SYNE3: variants seen among roughly 807,000 people sequenced by gnomAD.
SYNE3 encodes the protein nesprin-3.
SYNE3 carries 100 observed loss-of-function variants against 111.2 expected under a neutral mutation model. The ratio of observed to expected loss-of-function variants is 0.90; its 90% CI spans 0.77 to 1.06. SYNE3 has a LOEUF of 1.06. Ranked by LOEUF, SYNE3 falls within the 50% of genes least tolerant of loss-of-function variation. The probability of loss-of-function intolerance (pLI) is 0.00; values close to 1 mark genes in which losing one functional copy is unlikely to be tolerated. For synonymous variants in SYNE3, 547 were observed against 533.9 expected (o/e 1.02, Z -0.34); for missense variants, 1,160 against 1,240.3 (o/e 0.94, Z 0.97).
intron 2 of SYNE3, among the ~76,000 whole-genome samples, chr14:95,473,735 T>TG (rs1888685992): frequency 3.7e-5 from 5 of 136,106 alleles, no homozygotes; most frequent in Admixed American, 7.3e-5. Flanking sequence ...GAGCTAAGGC[T>TG]GTTGTGAGCT....
chr14:95,421,137 T>C (rs947896040), intron 17 of SYNE3, among the ~76,000 whole-genome samples: 7 of 152,204 alleles, frequency 4.6e-5, no homozygotes, highest in African/African-American at 1.7e-4. Flanking sequence ...GTGAGTTCAT[T>C]AAACCTCTTT....
Position 95,417,658 on chromosome 14 carries a change from T to C in SYNE3, c.*168A>G, listed in dbSNP as rs534099345. The C allele has an allele frequency of 5.8e-6, 4 of 689,294 alleles. No individual in the cohort carries two copies. The highest frequency in any genetic ancestry group is 1.7e-5 in the South Asian group (1 of 58,916). 42.7% of individuals were successfully genotyped at this position (689,294 alleles called of 1,614,324 possible). Reference sequence around the variant, plus strand: ...TAGTATAAATAGACTAAGACAACACTGTATAAAAAGTAAGTGTCTTCTGGG... The same window carrying C: ...TAGTATAAATAGACTAAGACAACACCGTATAAAAAGTAAGTGTCTTCTGGG... On this transcript the variant is annotated 3_prime_UTR_variant, in exon 18 of 18. Transcript: ENST00000682763.
At chr14:95,466,376 A>C in intron 3 of SYNE3, 136 bp from the exon 4 acceptor site, 1 of 1,004,794 alleles carries the variant, frequency 1.0e-6, no homozygotes, top group Non-Finnish European at 1.4e-6. Flanking sequence ...CTGGCCTCTG[A>C]GTCACCTGGG....
At chr14:95,448,446 G>C (rs1484669849) in intron 8 of SYNE3, among the ~76,000 whole-genome samples, 1 of 152,156 alleles carries the variant, frequency 6.6e-6, no homozygotes, top group Non-Finnish European at 1.5e-5. Flanking sequence ...TAGCACTTTG[G>C]GAGGCCGGGG....
At chr14:95,480,422 G>C (rs889653135) in intron 1 of SYNE3, among the ~76,000 whole-genome samples, 3 of 152,196 alleles carry the variant, frequency 2.0e-5, no homozygotes, top group African/African-American at 7.2e-5. Context: ...AAACCCCCGA[G>C]CTGGGGCAGA....
At chr14:95,452,642 A>G (rs1184209597) in intron 6 of SYNE3, among the ~76,000 whole-genome samples, 1 of 152,168 alleles carries the variant, frequency 6.6e-6, no homozygotes. Flanking sequence ...CAGCATTGCC[A>G]TGGCAAACAC....
Position 95,412,318 on chromosome 14 carries a change from G to A in SYNE3, c.*5508C>T, listed in dbSNP as rs940044027. On this transcript the variant is annotated 3_prime_UTR_variant, in exon 18 of 18. Transcript: ENST00000682763. ...CAGTGGGCCTGCCCCCTCTGGAAAGGCAGATGGGCAAAGTCAAGGGCAATG... is the reference window on the plus strand; with the variant it reads ...CAGTGGGCCTGCCCCCTCTGGAAAGACAGATGGGCAAAGTCAAGGGCAATG... The A allele has an allele frequency of 1.3e-5, 2 of 152,302 alleles. No homozygotes were observed. Among genetic ancestry groups the A allele is most frequent in the Non-Finnish European group, 2.9e-5 (2 of 68,110 alleles). The allele number at this position is 152,302 out of a possible 1,614,324, so 9.4% of individuals were successfully genotyped here.
At chr14:95,472,040 G>A (rs1442647416) in intron 2 of SYNE3, among the ~76,000 whole-genome samples, 1 of 152,220 alleles carries the variant, frequency 6.6e-6, no homozygotes, top group East Asian at 1.9e-4. Context: ...AAAAGGGCCA[G>A]GAGAGACCGC....
In SYNE3 at chr14:95,415,278, C is replaced by CA. The variant is rs1192651815; in HGVS notation, c.*2547_*2548insT. The stretch of plus-strand genomic sequence containing the variant: ...TAGGAAAGTGGACACCTGGCAAGGC[C>CA]CCCCCACCCACCCACCCTGCCACTG... On this transcript the variant is annotated 3_prime_UTR_variant, in exon 18 of 18. Transcript: ENST00000682763. 6.7e-6 allele frequency: 1 copy of CA among 148,718 alleles called. No individual in the cohort carries two copies. Among genetic ancestry groups the CA allele is most frequent in the Non-Finnish European group, 1.5e-5 (1 of 67,150 alleles). 9.2% of individuals were successfully genotyped at this position (148,718 alleles called of 1,614,324 possible).
intron 1 of SYNE3, among the ~76,000 whole-genome samples, chr14:95,509,864 T>C (rs1299803644): frequency 6.6e-6 from 1 of 152,132 alleles, no homozygotes; most frequent in Non-Finnish European, 1.5e-5. Context: ...CGTTACACCA[T>C]GAATATCAGT....
intron 17 of SYNE3, among the ~76,000 whole-genome samples, chr14:95,419,676 T>C (rs1884966213): frequency 8.6e-6 from 1 of 116,634 alleles, no homozygotes; most frequent in African/African-American, 3.5e-5. Context: ...TTGATGATGG[T>C]GGTGATGCGA....
chr14:95,486,377 C>T (rs1341336618), intron 1 of SYNE3, among the ~76,000 whole-genome samples: 3 of 152,058 alleles, frequency 2.0e-5, no homozygotes, highest in Non-Finnish European at 4.4e-5. Context: ...CCACCCCTCT[C>T]CCAATGTCTT....
chr14:95,499,802 A>T (rs1315331249), intron 1 of SYNE3, among the ~76,000 whole-genome samples: 1 of 150,574 alleles, frequency 6.6e-6, no homozygotes, highest in Non-Finnish European at 1.5e-5. Flanking sequence ...CTGGGGCTGC[A>T]GGATGATGTC....
chr14:95,490,757 T>C (rs17092554), intron 1 of SYNE3, among the ~76,000 whole-genome samples: 3,026 of 152,362 alleles, frequency 0.02, 59 homozygotes, highest in East Asian at 0.1. Context: ...ACTCTTCAGA[T>C]ATGGCCCAGG....
At chr14:95,478,021 AC>A (rs2139520187) in intron 1 of SYNE3, among the ~76,000 whole-genome samples, 1 of 152,232 alleles carries the variant, frequency 6.6e-6, no homozygotes, top group Non-Finnish European at 1.5e-5. Flanking sequence ...GCTTTAGAGC[AC>A]CCCTTCTTGT....
intron 1 of SYNE3, among the ~76,000 whole-genome samples, chr14:95,499,890 G>C (rs189722401): frequency 8.8e-6 from 1 of 114,238 alleles, no homozygotes; most frequent in African/African-American, 4.2e-5. Context: ...ATGGAGTTTA[G>C]CTCTTGTTGC....
At chr14:95,449,801 C>G in intron 8 of SYNE3, 130 bp downstream of exon 8, 1 of 1,422,704 alleles carries the variant, frequency 7.0e-7, no homozygotes, top group South Asian at 1.5e-5. Flanking sequence ...CTCAGCAGAC[C>G]GGGCGCAGTG....
chr14:95,439,861 T>C, intron 12 of SYNE3, 53 bp downstream of exon 12: 1 of 1,593,752 alleles, frequency 6.3e-7, no homozygotes, highest in East Asian at 2.2e-5. Flanking sequence ...GTGGGAACGT[T>C]GGCCTGTCAA....
chr14:95,430,690 A>T (rs1885708146), intron 17 of SYNE3, among the ~76,000 whole-genome samples: 1 of 152,072 alleles, frequency 6.6e-6, no homozygotes, highest in South Asian at 2.1e-4. Context: ...CGGGTGTGGT[A>T]GCGCATGCCT....
Sources: gnomAD v4.1 joint callset for allele counts (sites outside exome capture counted in the v4.1 genomes callset) on GRCh38, gnomAD v4.1.1 for gene constraint, MANE v1.5 for transcripts, NCBI Gene and HGNC (gene_info 2026-07-23, HGNC 2026-07-21) for gene names.